GARNL3: variants seen among roughly 807,000 people sequenced by gnomAD.
The protein encoded by GARNL3 is GTPase activating Rap/RanGAP domain like 3.
Under a neutral mutation model 125.0 loss-of-function variants are expected in GARNL3, and 63 were observed. That is an observed-to-expected ratio of 0.50 (90% CI 0.41 to 0.62). The LOEUF (loss-of-function observed/expected upper bound fraction) is 0.62. Among genes scored for constraint, GARNL3 ranks in the 20% least tolerant of loss-of-function variants. GARNL3 has a pLI of 0.00. For synonymous variants in GARNL3, 439 were observed against 457.5 expected (o/e 0.96, Z 0.52); for missense variants, 994 against 1,244.0 (o/e 0.80, Z 3.02).
intron 8 of GARNL3, among the ~76,000 whole-genome samples, chr9:127,332,767 T>C (rs186044274): frequency 1.3e-5 from 2 of 152,336 alleles, no homozygotes; most frequent in South Asian, 2.1e-4. Flanking sequence ...TGTTTTGCGA[T>C]AGTAAACACC....
chr9:127,257,218 A>G (rs983273954), intron 2 of GARNL3, among the ~76,000 whole-genome samples: 5 of 152,226 alleles, frequency 3.3e-5, no homozygotes, highest in African/African-American at 9.7e-5. Context: ...GCTGTTATCA[A>G]TAAAGCTGTT....
chr9:127,360,787 G>A (rs1394976748), intron 21 of GARNL3, among the ~76,000 whole-genome samples: 1 of 152,148 alleles, frequency 6.6e-6, no homozygotes, highest in Non-Finnish European at 1.5e-5. Context: ...TCCTCTCTTA[G>A]CCAGGACCAC....
chr9:127,390,723 A>C lies in GARNL3; in HGVS notation c.2826A>C (p.Gln942His). Residue 942 changes from glutamine to histidine, a missense_variant, in exon 27 of 28, where the codon CAA (glutamine) becomes CAC (histidine). By Grantham distance (24) the Gln-to-His change is conservative. This residue lies in a region of GARNL3 where 728 missense variants were observed against 865.7 expected (regional missense o/e 0.84). Transcript: ENST00000373387. ...SKPRKRLEES[Q>H]GGPKPGAVRS... Reference sequence around the variant, plus strand: ...CCCGGAAGCGGTTAGAAGAAAGCCAAGGAGGCCCCAAGCCAGGGGCAGTGA... The same window carrying C: ...CCCGGAAGCGGTTAGAAGAAAGCCACGGAGGCCCCAAGCCAGGGGCAGTGA... 6.2e-7 allele frequency: 1 copy of C among 1,613,988 alleles called. No individual in the cohort carries two copies. The highest frequency in any genetic ancestry group is 8.5e-7 in the Non-Finnish European group (1 of 1,179,864).
intron 7 of GARNL3, 134 bp downstream of exon 7, chr9:127,325,229 CGG>C: frequency 1.3e-6 from 1 of 770,746 alleles, no homozygotes; most frequent in Non-Finnish European, 2.1e-6. Flanking sequence ...ACACATTGCG[CGG>C]AAAGAACTTA....
At chr9:127,360,208 A>G (rs1169457730) in intron 21 of GARNL3, among the ~76,000 whole-genome samples, 2 of 152,094 alleles carry the variant, frequency 1.3e-5, no homozygotes, top group African/African-American at 4.8e-5. Context: ...TTTTTAGTAG[A>G]GACAGGGTTT....
chr9:127,224,617 G>C (rs1027412584), intron 1 of GARNL3: 1 of 153,556 alleles, frequency 6.5e-6, no homozygotes, highest in Non-Finnish European at 1.4e-5. Context: ...AGCTACAATA[G>C]AAAGGGCCAG....
At chr9:127,342,147 A>G (rs772175949) in intron 13 of GARNL3, 72 bp from the exon 14 acceptor site, 9 of 997,640 alleles carry the variant, frequency 9.0e-6, no homozygotes, top group Non-Finnish European at 1.4e-5. Flanking sequence ...AGAACAGACA[A>G]GCATAGTTTC....
chr9:127,389,918 C>CT (rs1832736299), intron 26 of GARNL3, among the ~76,000 whole-genome samples: 1 of 80,774 alleles, frequency 1.2e-5, no homozygotes, highest in Non-Finnish European at 2.2e-5. Context: ...GACACCCTGT[C>CT]TTTAAAAAAA....
At chr9:127,236,704 G>A (rs1043628692) in intron 1 of GARNL3, among the ~76,000 whole-genome samples, 8 of 152,206 alleles carry the variant, frequency 5.3e-5, no homozygotes, top group African/African-American at 1.9e-4. Flanking sequence ...GATTACAGGT[G>A]TGAGCCTCCA....
In GARNL3 at chr9:127,388,889, G is replaced by GA; in HGVS notation, c.2528-12dup. ...TTCTTAAAGTTCTGATGTTCTTTTTGAAATCACATTTCAGGTGAAATTCAA... is the reference window on the plus strand; with the variant it reads ...TTCTTAAAGTTCTGATGTTCTTTTTGAAAATCACATTTCAGGTGAAATTCAA... On this transcript the variant is annotated splice_polypyrimidine_tract_variant and intron_variant, in intron 25 of 27. Coordinates refer to ENST00000373387, the MANE Select transcript of GARNL3 (RefSeq NM_032293.5). 6.8e-7 allele frequency: 1 copy of GA among 1,467,002 alleles called. No homozygotes were observed. Among genetic ancestry groups the GA allele is most frequent in the East Asian group, 2.3e-5 (1 of 44,224 alleles). The allele number at this position is 1,467,002 out of a possible 1,614,324, so 90.9% of individuals were successfully genotyped here.
rs149607980 is a variant in GARNL3, at chr9:127,316,308, A to G, written c.439-1755A>G. Among the ~76,000 whole-genome samples, 166 of 152,184 alleles carry G rather than the reference A, an allele frequency of 1.1e-3. 3 individuals are homozygous for G. In the South Asian group the frequency reaches 0.011, roughly 10 times the overall value. On this transcript the variant is annotated intron_variant, in intron 4 of 27. Transcript: ENST00000373387. ...TGTAATCCCAGCACTTTGGGAGGTC[A>G]AGGCAGAAGGATTGCATGGGACCAG...
At chr9:127,307,004 C>A (rs979256024) in intron 2 of GARNL3, among the ~76,000 whole-genome samples, 2 of 151,916 alleles carry the variant, frequency 1.3e-5, no homozygotes, top group African/African-American at 4.8e-5. Flanking sequence ...TTTAAGATAT[C>A]AGCAATCACT....
intron 27 of GARNL3, among the ~76,000 whole-genome samples, chr9:127,391,128 T>G (rs1366774414): frequency 6.6e-6 from 1 of 151,510 alleles, no homozygotes; most frequent in Non-Finnish European, 1.5e-5. Flanking sequence ...CTACTAAAAA[T>G]ACAAAAAGTA....
chr9:127,366,696 G>A (rs1044413155), intron 22 of GARNL3: 2 of 152,228 alleles, frequency 1.3e-5, no homozygotes, highest in Admixed American at 1.3e-4. Context: ...CAGGTTTTTA[G>A]AGTGGGAGAA....
chr9:127,380,799 T>C (rs937040769), intron 22 of GARNL3, among the ~76,000 whole-genome samples: 1 of 152,248 alleles, frequency 6.6e-6, no homozygotes, highest in Admixed American at 6.5e-5. Flanking sequence ...TGAGGTTTCA[T>C]TTTAGGATGA....
chr9:127,350,921 A>G (rs143866652), intron 17 of GARNL3, among the ~76,000 whole-genome samples: 1,810 of 152,310 alleles, frequency 0.012, 46 homozygotes, highest in African/African-American at 0.042. Flanking sequence ...AATAAATGAT[A>G]TGAGTTACCC....
intron 20 of GARNL3, among the ~76,000 whole-genome samples, chr9:127,355,777 C>T (rs1830657287): frequency 6.6e-6 from 1 of 152,210 alleles, no homozygotes; most frequent in South Asian, 2.1e-4. Context: ...GCTATGATGG[C>T]TGGCATAAAG....
intron 7 of GARNL3, among the ~76,000 whole-genome samples, chr9:127,331,912 G>C (rs1829281427): frequency 6.6e-6 from 1 of 151,848 alleles, no homozygotes; most frequent in Non-Finnish European, 1.5e-5. Flanking sequence ...ACTGGGATTT[G>C]GACGGTTGCT....
intron 1 of GARNL3, among the ~76,000 whole-genome samples, chr9:127,228,597 A>G (rs2062952229): frequency 6.6e-6 from 1 of 152,182 alleles, no homozygotes; most frequent in African/African-American, 2.4e-5. Flanking sequence ...AGATGCATAC[A>G]CTTTGTCGAT....
Sources: allele counts gnomAD v4.1 joint callset (sites outside exome capture counted in the v4.1 genomes callset), GRCh38; gene constraint gnomAD v4.1.1; regional missense constraint gnomAD v4.1.1; transcripts MANE v1.5; gene names NCBI Gene and HGNC (gene_info 2026-07-23, HGNC 2026-07-21).